The following MMP10 variants were observed in gnomAD, a reference collection of about 807,000 sequenced individuals.
MMP10 encodes the protein matrix metallopeptidase 10, also known as stromelysin-2.
In MMP10, 50 loss-of-function variants were observed where a neutral mutation model predicts 49.1. That is an observed-to-expected ratio of 1.02 (90% CI 0.81 to 1.29). The LOEUF (loss-of-function observed/expected upper bound fraction) is 1.29. MMP10 is among the 50% of genes most tolerant of loss of function. The pLI, the probability that MMP10 is intolerant of heterozygous loss-of-function variation, is 0.00. For missense variants in MMP10, 613 were observed against 563.8 expected (o/e 1.09, Z -0.88); for synonymous variants, 229 against 201.6 (o/e 1.14, Z -1.15).
chr11:102,772,070 T>C lies in MMP10; in HGVS notation c.1272A>G (p.Leu424=). Residue 424 remains leucine, a synonymous_variant, in exon 9 of 10, where the codon CTA becomes CTG. Transcript: ENST00000279441. The surrounding 1 kb of genome is among the most constrained non-coding windows in gnomAD (Gnocchi z 4.4). ...SQSMEQGFPR[L]IADDFPGVEP... ...CAACTCCTGGAAAGTCATCAGCTATTAGTCTAGGGAAGCCTTGCTCCATGG... is the reference window on the plus strand; with the variant it reads ...CAACTCCTGGAAAGTCATCAGCTATCAGTCTAGGGAAGCCTTGCTCCATGG... 1 of 1,613,812 alleles carries C rather than the reference T, an allele frequency of 6.2e-7. No homozygotes were observed. The highest frequency in any genetic ancestry group is 8.5e-7 in the Non-Finnish European group (1 of 1,179,800).
chr11:102,776,533 AC>A (rs1305103444), intron 5 of MMP10, 78 bp downstream of exon 5: 3 of 1,573,206 alleles, frequency 1.9e-6, no homozygotes, highest in Non-Finnish European at 2.6e-6. Flanking sequence ...AATCAGAAAT[AC>A]TTTAGGTAGC....
Position 102,779,692 on chromosome 11 carries a change from TC to T in MMP10, c.158del (p.Arg53LysfsTer22). The T allele has an allele frequency of 6.2e-7, 1 of 1,614,022 alleles. No individual in the cohort carries two copies. Among genetic ancestry groups the T allele is most frequent in the African/African-American group, 1.3e-5 (1 of 75,022 alleles). On this transcript the variant is annotated frameshift_variant, in exon 2 of 10. Coordinates refer to ENST00000279441, the MANE Select transcript of MMP10 (RefSeq NM_002425.3). LOFTEE classifies it high-confidence loss of function. ...TTTTAACAATGAGATTACTGTCCTTTCTTCTAAACTGTTTCACATCCTTTTC... is the reference window on the plus strand; with the variant it reads ...TTTTAACAATGAGATTACTGTCCTTTTTCTAAACTGTTTCACATCCTTTTC... Reference protein sequence around the residue: ...NLEKDVKQFRRKDSNLIVKKI... With the variant: ...NLEKDVKQFRXKDSNLIVKKI...
intron 7 of MMP10, 113 bp from the exon 8 acceptor site, chr11:102,773,119 T>A: frequency 1.1e-6 from 1 of 936,036 alleles, no homozygotes; most frequent in Non-Finnish European, 1.6e-6. Context: ...AACCTAATAA[T>A]GTCCAGTTCA....
rs1159104078 is a variant in MMP10 at position 102,775,214 on chromosome 11, C to A, written c.1040G>T (p.Ser347Ile). ...SYLDAAYEVN[S>I]RDTVFIFKGN... ...TTTAAAAATAAAAACGGTGTCCCTG[C>A]TGTTAACTTCATATGCAGCATCCAA... The change falls in exon 7 of 10, where the codon AGC (serine) becomes ATC (isoleucine). Residue 347 changes from serine (S) to isoleucine (I), a missense_variant. Transcript: ENST00000279441. 2 of 1,601,132 alleles carry A rather than the reference C, an allele frequency of 1.2e-6. No individual in the cohort carries two copies. The highest frequency in any genetic ancestry group is 2.2e-5 in the East Asian group (1 of 44,678).
rs1444700132 is a variant in MMP10 at position 102,779,330 on chromosome 11, C to T, written c.379G>A (p.Asp127Asn). 1 of 1,614,018 alleles carries T rather than the reference C, an allele frequency of 6.2e-7. No individual in the cohort carries two copies. The highest frequency in any genetic ancestry group is 8.5e-7 in the Non-Finnish European group (1 of 1,180,024). The change falls in exon 3 of 10, where the codon GAT (aspartate) becomes AAT (asparagine). Residue 127 changes from aspartate to asparagine, a missense_variant. Physicochemically the swap from Asp to Asn is conservative, Grantham distance 23. Transcript: ENST00000279441. ...TTCTCAATGGCAGAATCAACAGCAT[C>T]TCTTGGCAAATCTGGTGTATAATTC... The part of the protein sequence containing the change: ...IVNYTPDLPR[D>N]AVDSAIEKAL...
chr11:102,774,951 C>G (rs1010216628), intron 7 of MMP10, among the ~76,000 whole-genome samples: 6 of 152,138 alleles, frequency 3.9e-5, no homozygotes, highest in African/African-American at 1.4e-4. Flanking sequence ...TGTCTTGTAT[C>G]TATAGATAAA....
At chr11:102,779,850 C>T in intron 1 of MMP10, 105 bp from the exon 2 acceptor site, 1 of 1,292,702 alleles carries the variant, frequency 7.7e-7, no homozygotes, top group South Asian at 1.5e-5. Context: ...ACAAAAGAGG[C>T]TATCACATTT....
At position 102,770,608 on chromosome 11, in the gene MMP10, T is replaced by G. The variant is rs1861965446; in HGVS notation, c.*185A>C. 4 of 517,070 alleles carry G rather than the reference T, an allele frequency of 7.7e-6. No individual in the cohort carries two copies. In the Admixed American group the frequency reaches 1.1e-4, roughly 14 times the overall value. 32.0% of individuals were successfully genotyped at this position (517,070 alleles called of 1,614,324 possible). A position where few individuals can be genotyped will look rare whatever the true frequency, so the allele number is the denominator to read the frequency against. On this transcript the variant is annotated 3_prime_UTR_variant, in exon 10 of 10. Transcript: ENST00000279441. ...ATGAGTATTTCTTAATTCTGTTCAG[T>G]GCAATTCAAAAGCAAGTGAAGAATT...
rs1237449211 is a variant in MMP10 at position 102,772,121 on chromosome 11, C to A, written c.1227-6G>T. ...ACTGGCTATTTTCATCAAATCTAAA[C>A]CAAATGAAAGAAATACAGTTCAATG... On this transcript the variant is annotated splice_region_variant and splice_polypyrimidine_tract_variant and intron_variant, in intron 8 of 9. Transcript: ENST00000279441. This position sits in a 1 kb window ranked among gnomAD's most constrained non-coding sequence, Gnocchi z 4.4. 2 of 1,559,810 alleles carry A rather than the reference C, an allele frequency of 1.3e-6. No individual in the cohort carries two copies. Among genetic ancestry groups the A allele is most frequent in the East Asian group, 2.2e-5 (1 of 44,586 alleles).
chr11:102,779,508 A>G lies in MMP10; in HGVS notation c.343T>C (p.Tyr115His), dbSNP rs758626767. Residue 115 changes from tyrosine (Y) to histidine (H), a missense_variant, in exon 2 of 10, where the codon TAC becomes CAC. Physicochemically the swap from Tyr to His is moderately conservative, Grantham distance 83. Coordinates refer to ENST00000279441, the MANE Select transcript of MMP10 (RefSeq NM_002425.3). ...AAAACTAATCTGAACCATTACCTGTATGTAAGGTGGGTTTTCCTCCACTTC... is the reference window on the plus strand; with the variant it reads ...AAAACTAATCTGAACCATTACCTGTGTGTAAGGTGGGTTTTCCTCCACTTC... ...MPKWRKTHLT[Y>H]RIVNYTPDLP... The G allele has an allele frequency of 4.3e-6, 7 of 1,613,952 alleles. No homozygotes were observed. Among genetic ancestry groups the G allele is most frequent in the Non-Finnish European group, 2.5e-6 (3 of 1,180,024 alleles).
intron 4 of MMP10, among the ~76,000 whole-genome samples, chr11:102,777,298 T>C (rs1354052784): frequency 6.6e-6 from 1 of 152,134 alleles, no homozygotes; most frequent in Non-Finnish European, 1.5e-5. Context: ...CATACTCAAG[T>C]AATTTTTTTT....
intron 1 of MMP10, 135 bp downstream of exon 1, chr11:102,780,352 G>A (rs996157358): frequency 5.8e-6 from 4 of 689,272 alleles, no homozygotes; most frequent in Non-Finnish European, 1.0e-5. Flanking sequence ...TCCACCTCCA[G>A]CCTGTTAATT....
chr11:102,778,693 G>T lies in MMP10; in HGVS notation c.553C>A (p.Pro185Thr), dbSNP rs764127068. The T allele has an allele frequency of 1.9e-5, 30 of 1,613,796 alleles. No homozygotes were observed. The African/African-American group carries it at 2.1e-4, about 11-fold the overall frequency. ...GPGHSLAHAY[P>T]PGPGLYGDIH... ...TCTCCATAAAGCCCAGGTCCAGGTG[G>T]GTAGGCATGAGCCAAACTGTGTCCT... The change falls in exon 4 of 10, where the codon CCA becomes ACA. Residue 185 changes from proline (P) to threonine (T), a missense_variant. Pro to Thr is a conservative substitution (Grantham distance 38). Coordinates refer to ENST00000279441, the MANE Select transcript of MMP10 (RefSeq NM_002425.3).
At chr11:102,775,825 G>C (rs1857719145) in intron 6 of MMP10, among the ~76,000 whole-genome samples, 1 of 151,968 alleles carries the variant, frequency 6.6e-6, no homozygotes. Context: ...CTGCTTCTAA[G>C]GATCCACCAG....
chr11:102,775,554 C>A (rs1360211404), intron 6 of MMP10, among the ~76,000 whole-genome samples: 2 of 151,880 alleles, frequency 1.3e-5, no homozygotes, highest in Non-Finnish European at 1.5e-5. Flanking sequence ...CATATTATGT[C>A]CTAATATTTT....
chr11:102,771,405 A>T (rs1302035018), intron 9 of MMP10, among the ~76,000 whole-genome samples: 1 of 152,184 alleles, frequency 6.6e-6, no homozygotes, highest in Non-Finnish European at 1.5e-5. Context: ...TAGTAACAAG[A>T]TCATCAGCCT....
chr11:102,771,985 A>AT (rs17860997), intron 9 of MMP10, 27 bp downstream of exon 9: 1,269,604 of 1,365,794 alleles, frequency 0.93, 590,969 homozygotes, highest in African/African-American at 0.99. Context: ...AGATTCCTGC[A>AT]TGACAATGAA....
chr11:102,779,893 T>C (rs1388808630), intron 1 of MMP10, 148 bp from the exon 2 acceptor site: 2 of 907,582 alleles, frequency 2.2e-6, no homozygotes, highest in East Asian at 5.4e-5. Context: ...CCCCATTTCA[T>C]ACAAATTTTT....
At position 102,778,642 on chromosome 11, in the gene MMP10, AT is replaced by A; in HGVS notation, c.603del (p.Lys201AsnfsTer34). ...GACCCACCTGATGCATCTTCTGTCC[AT>A]TTTTCATCATCATCAAAGTGAATAT... is the stretch of plus-strand genomic sequence containing the variant. ...YGDIHFDDDE[K>X]WTEDASGTNL... On this transcript the variant is annotated frameshift_variant, in exon 4 of 10. Transcript: ENST00000279441. LOFTEE classifies it high-confidence loss of function. 6.2e-7 allele frequency: 1 copy of A among 1,613,906 alleles called. No individual in the cohort carries two copies. The highest frequency in any genetic ancestry group is 1.1e-5 in the South Asian group (1 of 91,076).
Sources: allele counts gnomAD v4.1 joint callset (sites outside exome capture counted in the v4.1 genomes callset), GRCh38; gene constraint gnomAD v4.1.1; non-coding constraint Gnocchi (gnomAD v3.1); transcripts MANE v1.5; gene names NCBI Gene and HGNC (gene_info 2026-07-23, HGNC 2026-07-21).